LRRC4C: variants seen among roughly 807,000 people sequenced by gnomAD.
LRRC4C encodes the protein leucine-rich repeat-containing protein 4C.
Under a neutral mutation model 33.6 loss-of-function variants are expected in LRRC4C, and 5 were observed. The observed-to-expected ratio is 0.15, with a 90% confidence interval of 0.08 to 0.31. The LOEUF is 0.31. Ranked by LOEUF, LRRC4C falls within the 10% of genes least tolerant of loss-of-function variation. LRRC4C has a pLI of 1.00. For synonymous variants in LRRC4C, 329 were observed against 302.0 expected (o/e 1.09, Z -0.93); for missense variants, 560 against 796.7 (o/e 0.70, Z 3.58).
intron 1 of LRRC4C, among the ~76,000 whole-genome samples, chr11:41,122,003 A>G (rs1345233772): frequency 6.6e-6 from 1 of 152,194 alleles, no homozygotes; most frequent in African/African-American, 2.4e-5. Context: ...GCTGGGATAA[A>G]TAAAGAAAAA....
chr11:40,635,712 C>T (rs1463314522), intron 3 of LRRC4C, among the ~76,000 whole-genome samples: 1 of 144,136 alleles, frequency 6.9e-6, no homozygotes, highest in Admixed American at 7.2e-5. Flanking sequence ...TCTCGGCTCA[C>T]TGCAAGCTCC....
chr11:40,470,965 G>T (rs1161998920), intron 3 of LRRC4C, among the ~76,000 whole-genome samples: 1 of 152,152 alleles, frequency 6.6e-6, no homozygotes, highest in Admixed American at 6.5e-5. Flanking sequence ...CACTCTTCAG[G>T]ATATTATCCA....
intron 4 of LRRC4C, among the ~76,000 whole-genome samples, chr11:40,255,602 C>T (rs1232036523): frequency 6.6e-6 from 1 of 152,106 alleles, no homozygotes; most frequent in Non-Finnish European, 1.5e-5. Context: ...GAGAAATGCT[C>T]AATGCATCTG....
chr11:40,461,878 G>A (rs1208311869), intron 3 of LRRC4C, among the ~76,000 whole-genome samples: 1 of 151,748 alleles, frequency 6.6e-6, no homozygotes, highest in Non-Finnish European at 1.5e-5. Context: ...TTAAATATGG[G>A]TTTATAATAA....
chr11:41,063,872 T>C (rs575503499), intron 1 of LRRC4C, among the ~76,000 whole-genome samples: 1 of 152,258 alleles, frequency 6.6e-6, no homozygotes, highest in African/African-American at 2.4e-5. Flanking sequence ...AATCAGATCA[T>C]AGTAAGTGGT....
chr11:40,682,117 A>C (rs1944719764), intron 2 of LRRC4C, among the ~76,000 whole-genome samples: 1 of 152,060 alleles, frequency 6.6e-6, no homozygotes. Flanking sequence ...AAAAAATACA[A>C]AAATTAGCCG....
chr11:40,431,221 G>A lies in LRRC4C; in HGVS notation c.-269-111500C>T, dbSNP rs186666605. Among the ~76,000 whole-genome samples, 1,089 of 150,792 alleles carry A rather than the reference G, an allele frequency of 7.2e-3. 13 individuals carry two copies. The highest frequency in any genetic ancestry group is 0.025 in the African/African-American group (1,026 of 41,104). On this transcript the variant is annotated intron_variant, in intron 3 of 6. Coordinates refer to ENST00000528697, the MANE Select transcript of LRRC4C (RefSeq NM_001258419.2). ...AGGTGGGTGGATCACGAGGTCAGGA[G>A]TTCAAGACCAGCCTGGCTAACATGG...
intron 3 of LRRC4C, among the ~76,000 whole-genome samples, chr11:40,358,902 T>C (rs562311386): frequency 1.3e-5 from 2 of 152,266 alleles, no homozygotes; most frequent in African/African-American, 2.4e-5. Context: ...TGCTCTCAAA[T>C]GTGAGCTGGT....
intron 2 of LRRC4C, among the ~76,000 whole-genome samples, chr11:40,747,922 C>T (rs1329568974): frequency 1.3e-5 from 2 of 151,752 alleles, no homozygotes; most frequent in Admixed American, 6.6e-5. Context: ...ATAAAGTGAC[C>T]AAATCTTTAA....
At chr11:41,154,352 C>A (rs1046304439) in intron 1 of LRRC4C, among the ~76,000 whole-genome samples, 1 of 152,056 alleles carries the variant, frequency 6.6e-6, no homozygotes, top group Non-Finnish European at 1.5e-5. Flanking sequence ...TTCATCTGTA[C>A]CACCTCTGTT....
chr11:40,583,820 G>A (rs1958582608), intron 3 of LRRC4C, among the ~76,000 whole-genome samples: 1 of 151,752 alleles, frequency 6.6e-6, no homozygotes, highest in Non-Finnish European at 1.5e-5. Context: ...CTAGTAAGTA[G>A]GTACTCAGTG....
At chr11:41,389,013 A>C (rs541728027) in intron 1 of LRRC4C, among the ~76,000 whole-genome samples, 5 of 151,764 alleles carry the variant, frequency 3.3e-5, no homozygotes, top group Non-Finnish European at 7.4e-5. Context: ...GCCAATCTAC[A>C]GTCTGGCTAG....
At chr11:40,969,994 G>A (rs905938712) in intron 1 of LRRC4C, among the ~76,000 whole-genome samples, 9 of 152,130 alleles carry the variant, frequency 5.9e-5, no homozygotes, top group African/African-American at 2.2e-4. Context: ...GGCTTTAAGT[G>A]TGTTCCTGGC....
intron 3 of LRRC4C, among the ~76,000 whole-genome samples, chr11:40,334,616 G>A (rs1404053938): frequency 6.6e-6 from 1 of 152,108 alleles, no homozygotes; most frequent in Non-Finnish European, 1.5e-5. Context: ...GAATACTTCT[G>A]TAGAGTACTG....
chr11:40,844,699 C>T (rs1953074868), intron 2 of LRRC4C, among the ~76,000 whole-genome samples: 1 of 151,960 alleles, frequency 6.6e-6, no homozygotes, highest in South Asian at 2.1e-4. Flanking sequence ...TACTAAACTC[C>T]AAATAATAAT....
At position 41,168,192 on chromosome 11, in the gene LRRC4C, G is replaced by A. The variant is rs955792252; in HGVS notation, c.-495-234469C>T. Among the ~76,000 whole-genome samples, 4 of 152,284 alleles carry A rather than the reference G, an allele frequency of 2.6e-5. No homozygotes were observed. The South Asian group carries it at 8.3e-4, about 32-fold the overall frequency. On this transcript the variant is annotated intron_variant, in intron 1 of 6. Transcript: ENST00000528697. ...GAAAGGCAGACTGAAAGGGCATGTG[G>A]ATACTGAATGACCACCAGGCCAGCT...
In LRRC4C at chr11:40,777,983, C is replaced by T. The variant is rs117734502; in HGVS notation, c.-406-129705G>A. Among the ~76,000 whole-genome samples the T allele has an allele frequency of 0.013, 1,911 of 152,162 alleles. 127 individuals are homozygous for T. The East Asian group carries it at 0.16, about 13-fold the overall frequency. On this transcript the variant is annotated intron_variant, in intron 2 of 6. Transcript: ENST00000528697. ...GATTACAGGCATGAGCCACCGCTCC[C>T]GGCCAGATCTTGATTTTTTTAATTC...
intron 3 of LRRC4C, among the ~76,000 whole-genome samples, chr11:40,365,879 A>T (rs1357433867): frequency 6.6e-6 from 1 of 152,052 alleles, no homozygotes; most frequent in Non-Finnish European, 1.5e-5. Context: ...CATACTATTG[A>T]TATATTTTTA....
At chr11:41,221,541 C>T (rs1268847702) in intron 1 of LRRC4C, among the ~76,000 whole-genome samples, 4 of 152,066 alleles carry the variant, frequency 2.6e-5, no homozygotes, top group Non-Finnish European at 5.9e-5. Flanking sequence ...CCAGCAATCC[C>T]ATTACTAGCT....
Sources: gnomAD v4.1 joint callset for allele counts (sites outside exome capture counted in the v4.1 genomes callset) on GRCh38, gnomAD v4.1.1 for gene constraint, MANE v1.5 for transcripts, NCBI Gene and HGNC (gene_info 2026-07-23, HGNC 2026-07-21) for gene names.